Variants in COL25A1 observed in about 807,000 individuals in gnomAD.
COL25A1 encodes the protein collagen type XXV alpha 1 chain.
A neutral mutation model predicts 128.4 loss-of-function variants in COL25A1; 103 were observed. The observed-to-expected ratio is 0.80, with a 90% CI of 0.68 to 0.94. The LOEUF (loss-of-function observed/expected upper bound fraction) is 0.94, where lower values mean the gene tolerates loss of function less well. Among genes scored for constraint, COL25A1 ranks in the 40% least tolerant of loss-of-function variants. The pLI is 0.00. For synonymous variants in COL25A1, 279 were observed against 277.2 expected (o/e 1.01, Z -0.06); for missense variants, 745 against 840.0 (o/e 0.89, Z 1.40).
At chr4:109,180,791 T>C (rs1774554219) in intron 3 of COL25A1, among the ~76,000 whole-genome samples, 1 of 152,108 alleles carries the variant, frequency 6.6e-6, no homozygotes, top group South Asian at 2.1e-4. Flanking sequence ...TTTTAGAAAA[T>C]AAAAGCAGCT....
chr4:109,072,393 T>C (rs1405747107), intron 3 of COL25A1, among the ~76,000 whole-genome samples: 1 of 152,230 alleles, frequency 6.6e-6, no homozygotes, highest in Non-Finnish European at 1.5e-5. Context: ...TCAGTTTATG[T>C]ATTTTGTATG....
At chr4:108,975,912 T>C (rs918021674) in intron 6 of COL25A1, among the ~76,000 whole-genome samples, 1 of 152,142 alleles carries the variant, frequency 6.6e-6, no homozygotes, top group African/African-American at 2.4e-5. Context: ...TACATATGTA[T>C]GTAGGTAGAT....
intron 3 of COL25A1, among the ~76,000 whole-genome samples, chr4:109,218,365 T>TTTGTTTGC (rs996834731): frequency 7.8e-6 from 1 of 128,632 alleles, no homozygotes. Flanking sequence ...GGGTTTTTTT[T>TTTGTTTGC]TTTTTTTTTT....
At position 108,811,099 on chromosome 4, in the gene COL25A1, G is replaced by A. The variant is rs1373495456; in HGVS notation, c.*2828C>T. 1 of 152,004 alleles carries A rather than the reference G, an allele frequency of 6.6e-6. No individual in the cohort carries two copies. Among genetic ancestry groups the A allele is most frequent in the Non-Finnish European group, 1.5e-5 (1 of 67,914 alleles). 9.4% of individuals were successfully genotyped at this position (152,004 alleles called of 1,614,324 possible). ...CACATTAAAGAAATCTTTAAGGAAA[G>A]TATATTATCTATCAACACATATCAA... is the stretch of plus-strand genomic sequence containing the variant. On this transcript the variant is annotated 3_prime_UTR_variant, in exon 38 of 38. Transcript: ENST00000399132.
At chr4:108,823,947 C>T (rs1732068106) in intron 35 of COL25A1, 2 of 1,421,250 alleles carry the variant, frequency 1.4e-6, no homozygotes, top group Non-Finnish European at 1.8e-6. Flanking sequence ...GCTAGAATAT[C>T]TGGTGATAAT....
chr4:109,153,209 A>G (rs968003328), intron 3 of COL25A1, among the ~76,000 whole-genome samples: 3 of 151,746 alleles, frequency 2.0e-5, no homozygotes, highest in Non-Finnish European at 2.9e-5. Context: ...AACATGGAGA[A>G]ACCTCAACTC....
chr4:108,886,469 TGTG>T (rs1740796530), intron 18 of COL25A1, among the ~76,000 whole-genome samples: 4 of 122,854 alleles, frequency 3.3e-5, no homozygotes, highest in African/African-American at 1.1e-4. Context: ...TGTGTGTGTG[TGTG>T]TGTGTGTGTG....
intron 3 of COL25A1, among the ~76,000 whole-genome samples, chr4:109,125,566 C>A (rs559014108): frequency 1.5e-4 from 23 of 152,320 alleles, no homozygotes; most frequent in African/African-American, 5.3e-4. Context: ...TTCTTCGCTT[C>A]ATTTCTCTAC....
intron 8 of COL25A1, among the ~76,000 whole-genome samples, chr4:108,952,603 T>C (rs891738531): frequency 4.6e-5 from 7 of 152,162 alleles, no homozygotes; most frequent in African/African-American, 1.7e-4. Flanking sequence ...AATACAATAA[T>C]ATTTTGGAAC....
chr4:109,079,411 G>A (rs1205027827), intron 3 of COL25A1, among the ~76,000 whole-genome samples: 1 of 152,120 alleles, frequency 6.6e-6, no homozygotes, highest in Non-Finnish European at 1.5e-5. Flanking sequence ...TCTGAATTGA[G>A]TCATACATTC....
At chr4:109,236,803 TA>T (rs1244624947) in intron 3 of COL25A1, among the ~76,000 whole-genome samples, 5 of 152,046 alleles carry the variant, frequency 3.3e-5, no homozygotes, top group African/African-American at 1.2e-4. Flanking sequence ...CAAACCATGT[TA>T]AAAGCTATGG....
intron 8 of COL25A1, among the ~76,000 whole-genome samples, chr4:108,942,822 T>A (rs533927580): frequency 2.2e-5 from 3 of 136,052 alleles, no homozygotes; most frequent in African/African-American, 8.5e-5. Context: ...GTGGTTACAA[T>A]CTCAGCTCAC....
chr4:109,129,842 GT>G (rs546215544), intron 3 of COL25A1, among the ~76,000 whole-genome samples: 87 of 152,114 alleles, frequency 5.7e-4, no homozygotes, highest in South Asian at 5.0e-3. Context: ...TCTCTAAGTT[GT>G]CTCTCTCTCT....
At chr4:109,011,294 A>G (rs1366668193) in intron 5 of COL25A1, among the ~76,000 whole-genome samples, 1 of 152,080 alleles carries the variant, frequency 6.6e-6, no homozygotes, top group Admixed American at 6.5e-5. Context: ...AGCTAATACA[A>G]CTCCCAGAGA....
At chr4:109,166,634 G>C (rs564295951) in intron 3 of COL25A1, among the ~76,000 whole-genome samples, 4 of 152,262 alleles carry the variant, frequency 2.6e-5, no homozygotes, top group African/African-American at 9.6e-5. Flanking sequence ...CCACTGATCT[G>C]TGTAAAATCA....
intron 3 of COL25A1, among the ~76,000 whole-genome samples, chr4:109,183,097 G>A (rs1774818504): frequency 1.3e-5 from 2 of 152,064 alleles, no homozygotes; most frequent in South Asian, 4.1e-4. Context: ...GAACTATAAT[G>A]TATTAGCCAT....
chr4:109,118,324 A>T (rs1279172537), intron 3 of COL25A1, among the ~76,000 whole-genome samples: 1 of 151,574 alleles, frequency 6.6e-6, no homozygotes, highest in African/African-American at 2.4e-5. Flanking sequence ...TATATTGTAT[A>T]TTTCAAAATT....
At chr4:108,984,444 G>A (rs996533960) in intron 6 of COL25A1, among the ~76,000 whole-genome samples, 4 of 152,174 alleles carry the variant, frequency 2.6e-5, no homozygotes, top group Non-Finnish European at 5.9e-5. Context: ...AGCGGGGGCG[G>A]CGCTCATTGG....
At chr4:109,279,202 T>C in intron 3 of COL25A1, among the ~76,000 whole-genome samples, 1 of 152,196 alleles carries the variant, frequency 6.6e-6, no homozygotes, top group South Asian at 2.1e-4. Flanking sequence ...CAATTCTATT[T>C]TAATTTCTGC....
Sources: allele counts gnomAD v4.1 joint callset (sites outside exome capture counted in the v4.1 genomes callset), GRCh38; gene constraint gnomAD v4.1.1; transcripts MANE v1.5; gene names NCBI Gene and HGNC (gene_info 2026-07-23, HGNC 2026-07-21).